FREM2: variants seen among roughly 807,000 people sequenced by gnomAD.
FREM2 encodes the protein FRAS1-related extracellular matrix protein 2.
Under a neutral mutation model 219.9 loss-of-function variants are expected in FREM2, and 119 were observed. The observed-to-expected ratio is 0.54, with a 90% confidence interval of 0.47 to 0.63. The LOEUF (loss-of-function observed/expected upper bound fraction) is 0.63. Among genes scored for constraint, FREM2 ranks in the 30% least tolerant of loss-of-function variants. The pLI, the probability that FREM2 is intolerant of heterozygous loss-of-function variation, is 0.00. For synonymous variants in FREM2, 1,562 were observed against 1,522.8 expected (o/e 1.03, Z -0.60); for missense variants, 4,030 against 3,993.6 (o/e 1.01, Z -0.25).
chr13:38,720,324 G>T (rs1039123040), intron 2 of FREM2, among the ~76,000 whole-genome samples: 1 of 152,172 alleles, frequency 6.6e-6, no homozygotes, highest in East Asian at 1.9e-4. Context: ...TGGGATAGAG[G>T]TTTATCTACA....
At chr13:38,724,759 A>G (rs762582483) in intron 2 of FREM2, among the ~76,000 whole-genome samples, 7 of 152,318 alleles carry the variant, frequency 4.6e-5, no homozygotes, top group Non-Finnish European at 8.8e-5. Context: ...CCAGAGCAAT[A>G]TGGTGCAAGA....
rs1182687457 is a variant in FREM2, at chr13:38,881,296, G to C, written c.*509G>C. The C allele has an allele frequency of 5.6e-6, 1 of 179,620 alleles. No individual in the cohort carries two copies. The highest frequency in any genetic ancestry group is 1.2e-5 in the Non-Finnish European group (1 of 84,362). The allele number at this position is 179,620 out of a possible 1,614,324, so 11.1% of individuals were successfully genotyped here. A position where few individuals can be genotyped will look rare whatever the true frequency, so the allele number is the denominator to read the frequency against. On this transcript the variant is annotated 3_prime_UTR_variant, in exon 24 of 24. Transcript: ENST00000280481. Reference sequence around the variant, plus strand: ...TTTTCAAATAGGTGAAGACAGCATAGAATTATGACCAGGGTGGCTCAACCC... The same window carrying C: ...TTTTCAAATAGGTGAAGACAGCATACAATTATGACCAGGGTGGCTCAACCC...
chr13:38,875,509 T>C (rs1878311865), intron 18 of FREM2, among the ~76,000 whole-genome samples: 1 of 152,230 alleles, frequency 6.6e-6, no homozygotes, highest in African/African-American at 2.4e-5. Flanking sequence ...AGTTTTCTTC[T>C]ACATGCCTAC....
chr13:38,873,210 G>A (rs1411556737), intron 17 of FREM2, among the ~76,000 whole-genome samples: 2 of 151,954 alleles, frequency 1.3e-5, no homozygotes, highest in Non-Finnish European at 1.5e-5. Context: ...AATTATTTAT[G>A]TGTTACATAA....
chr13:38,707,361 T>C (rs1246941600), intron 2 of FREM2, among the ~76,000 whole-genome samples: 3 of 152,188 alleles, frequency 2.0e-5, no homozygotes, highest in Non-Finnish European at 4.4e-5. Context: ...ATTATATAGC[T>C]ATATTTGGTT....
intron 6 of FREM2, among the ~76,000 whole-genome samples, chr13:38,810,404 A>G (rs1225186807): frequency 6.6e-6 from 1 of 152,114 alleles, no homozygotes; most frequent in Non-Finnish European, 1.5e-5. Context: ...GCCAGATCTC[A>G]GAGAAAGGGC....
chr13:38,767,946 T>C (rs529811822), intron 3 of FREM2, among the ~76,000 whole-genome samples: 1 of 152,208 alleles, frequency 6.6e-6, no homozygotes, highest in African/African-American at 2.4e-5. Context: ...CACTTTAAGA[T>C]TAAAATAACA....
In FREM2 at chr13:38,874,511, G is replaced by C. The variant is rs368732492; in HGVS notation, c.8206G>C (p.Gly2736Arg). Reference protein sequence around the residue: ...GSLYPTSMRIGDEGRLAVHFK... With the variant: ...GSLYPTSMRIRDEGRLAVHFK... ...TCTCTATCCAACCAGCATGCGCATC[G>C]GTGATGAGGGGCGCTTGGCCGTGCA... Residue 2736 changes from glycine (G) to arginine (R), a missense_variant, in exon 18 of 24, where the codon GGT (glycine) becomes CGT (arginine). Physicochemically the swap from Gly to Arg is moderately radical, Grantham distance 125. Around this residue, in one of 2 missense-constraint regions of FREM2, gnomAD observed 928 missense variants for 1,042.9 expected, o/e 0.89. Coordinates refer to ENST00000280481, the MANE Select transcript of FREM2 (RefSeq NM_207361.6). 6.2e-7 allele frequency: 1 copy of C among 1,614,040 alleles called. No homozygotes were observed. The highest frequency in any genetic ancestry group is 2.2e-5 in the East Asian group (1 of 44,882).
At chr13:38,728,319 G>T (rs1871615400) in intron 2 of FREM2, among the ~76,000 whole-genome samples, 1 of 152,142 alleles carries the variant, frequency 6.6e-6, no homozygotes, top group African/African-American at 2.4e-5. Flanking sequence ...AGTATACAAT[G>T]AGCGTGAGCT....
intron 2 of FREM2, among the ~76,000 whole-genome samples, chr13:38,718,732 C>T (rs1033446963): frequency 6.6e-6 from 1 of 152,118 alleles, no homozygotes; most frequent in African/African-American, 2.4e-5. Flanking sequence ...TAATTACATA[C>T]CTCCAGTTTC....
chr13:38,851,311 T>C (rs951210212), intron 10 of FREM2, among the ~76,000 whole-genome samples: 1 of 152,190 alleles, frequency 6.6e-6, no homozygotes, highest in African/African-American at 2.4e-5. Flanking sequence ...CTGGAGAATA[T>C]GGCTTATATC....
At position 38,881,021 on chromosome 13, in the gene FREM2, G is replaced by A; in HGVS notation, c.*234G>A. The stretch of plus-strand genomic sequence containing the variant: ...AAAGGCAGCAACAACGTACTCATAT[G>A]TACACAGAGCCATGATGTGAGGAAT... On this transcript the variant is annotated 3_prime_UTR_variant, in exon 24 of 24. Coordinates refer to ENST00000280481, the MANE Select transcript of FREM2 (RefSeq NM_207361.6). 1.7e-6 allele frequency: 1 copy of A among 590,460 alleles called. No homozygotes were observed. Among genetic ancestry groups the A allele is most frequent in the East Asian group, 3.0e-5 (1 of 33,460 alleles). 36.6% of individuals were successfully genotyped at this position (590,460 alleles called of 1,614,324 possible).
At chr13:38,704,895 A>G (rs1870478263) in intron 2 of FREM2, among the ~76,000 whole-genome samples, 1 of 152,142 alleles carries the variant, frequency 6.6e-6, no homozygotes. Context: ...CTTTTAAACC[A>G]TCAGATCTCA....
rs753582425 is a variant in FREM2 at position 38,859,409 on chromosome 13, G to A, written c.7338G>A (p.Val2446=). 1 of 1,614,160 alleles carries A rather than the reference G, an allele frequency of 6.2e-7. No homozygotes were observed. Among genetic ancestry groups the A allele is most frequent in the African/African-American group, 1.3e-5 (1 of 75,044 alleles). ...LISAPAGPDG[V]TSPMREVDFD... The stretch of plus-strand genomic sequence containing the variant: ...GTGCACCTGCGGGCCCTGACGGTGT[G>A]ACCAGCCCTATGAGAGAAGTGGACT... Residue 2446 remains valine, a synonymous_variant, in exon 14 of 24, where the codon GTG becomes GTA. Coordinates refer to ENST00000280481, the MANE Select transcript of FREM2 (RefSeq NM_207361.6).
intron 2 of FREM2, among the ~76,000 whole-genome samples, chr13:38,705,322 A>G (rs56255874): frequency 0.057 from 8,693 of 152,282 alleles, 357 homozygotes; most frequent in Admixed American, 0.14. Context: ...CAGCCAGCAG[A>G]GAATGGTGCT....
chr13:38,798,283 T>TCTGCATATGTTGAACCATCCTTGCAACC (rs1566146042), intron 6 of FREM2, among the ~76,000 whole-genome samples: 1 of 152,164 alleles, frequency 6.6e-6, no homozygotes. Flanking sequence ...TGATTATTAA[T>TCTGCATATGTTGAACCATCCTTGCAACC]CTGCATATGT....
chr13:38,749,494 A>G (rs1229641138), intron 2 of FREM2, among the ~76,000 whole-genome samples: 1 of 152,238 alleles, frequency 6.6e-6, no homozygotes, highest in African/African-American at 2.4e-5. Flanking sequence ...ATAAATGTTG[A>G]TATATCACAA....
chr13:38,695,915 GA>G (rs989695442), intron 1 of FREM2, among the ~76,000 whole-genome samples: 1 of 150,820 alleles, frequency 6.6e-6, no homozygotes, highest in Admixed American at 6.6e-5. Context: ...GTTAAGATAG[GA>G]AAAAAAAATC....
chr13:38,787,896 G>A (rs1432934705), intron 6 of FREM2, among the ~76,000 whole-genome samples: 2 of 151,984 alleles, frequency 1.3e-5, no homozygotes, highest in African/African-American at 2.4e-5. Context: ...AACAAAGGAG[G>A]TGGCACAGGG....
Sources: gnomAD v4.1 joint callset for allele counts (sites outside exome capture counted in the v4.1 genomes callset) on GRCh38, gnomAD v4.1.1 for gene constraint, gnomAD v4.1.1 regional missense constraint, MANE v1.5 for transcripts, NCBI Gene and HGNC (gene_info 2026-07-23, HGNC 2026-07-21) for gene names.